MECOM: variants seen among roughly 807,000 people sequenced by gnomAD.
MECOM encodes histone-lysine N-methyltransferase MECOM.
Under a neutral mutation model 116.3 loss-of-function variants are expected in MECOM, and 13 were observed. That is an observed-to-expected ratio of 0.11 (90% CI 0.07 to 0.18). The LOEUF (loss-of-function observed/expected upper bound fraction) is 0.18. Among genes scored for constraint, MECOM ranks in the 10% least tolerant of loss-of-function variants. MECOM has a pLI of 1.00. For synonymous variants in MECOM, 528 were observed against 535.2 expected, an observed-to-expected ratio of 0.99 and a Z score of 0.19; for missense variants, 1,299 against 1,509.0, an observed-to-expected ratio of 0.86 and a Z score of 2.31.
At chr3:169,251,655 T>C (rs1369927473) in intron 2 of MECOM, among the ~76,000 whole-genome samples, 4 of 152,144 alleles carry the variant, frequency 2.6e-5, no homozygotes, top group Admixed American at 6.6e-5. Flanking sequence ...GTAGGACATA[T>C]GAATTCAGTC....
At chr3:169,404,479 A>C (rs1448444958) in intron 1 of MECOM, among the ~76,000 whole-genome samples, 1 of 152,202 alleles carries the variant, frequency 6.6e-6, no homozygotes, top group African/African-American at 2.4e-5. Context: ...CTCCAAACAA[A>C]CCCAGCCAAA....
At chr3:169,657,904 G>A (rs1274158968) in intron 1 of MECOM, among the ~76,000 whole-genome samples, 1 of 152,180 alleles carries the variant, frequency 6.6e-6, no homozygotes, top group Admixed American at 6.5e-5. Context: ...GGGCTGGGGA[G>A]GATAATACCA....
intron 1 of MECOM, among the ~76,000 whole-genome samples, chr3:169,534,210 G>A (rs944158377): frequency 6.6e-6 from 1 of 151,590 alleles, no homozygotes; most frequent in East Asian, 1.9e-4. Context: ...AAGAGGCCAC[G>A]TAGTTTGTGG....
chr3:169,496,245 T>C (rs1753796348), intron 1 of MECOM, among the ~76,000 whole-genome samples: 1 of 152,230 alleles, frequency 6.6e-6, no homozygotes, highest in Non-Finnish European at 1.5e-5. Context: ...GTTGCCTCTA[T>C]AAGCCTTAAA....
intron 2 of MECOM, among the ~76,000 whole-genome samples, chr3:169,299,395 C>T (rs929821328): frequency 6.6e-6 from 1 of 152,186 alleles, no homozygotes; most frequent in Non-Finnish European, 1.5e-5. Context: ...CTTCCTTCCT[C>T]ACCTGATTCT....
At chr3:169,085,082 GA>G in intron 16 of MECOM, 39 bp from the exon 17 acceptor site, 1 of 1,611,754 alleles carries the variant, frequency 6.2e-7, no homozygotes, top group Non-Finnish European at 8.5e-7. Context: ...AATGGCATTT[GA>G]AAAACATCAC....
intron 4 of MECOM, among the ~76,000 whole-genome samples, chr3:169,129,664 A>G (rs1402775823): frequency 6.6e-6 from 1 of 152,082 alleles, no homozygotes; most frequent in Non-Finnish European, 1.5e-5. Flanking sequence ...TCATTTGTTT[A>G]AGATCTATAT....
At chr3:169,139,454 C>T (rs1247312630) in intron 3 of MECOM, among the ~76,000 whole-genome samples, 1 of 151,940 alleles carries the variant, frequency 6.6e-6, no homozygotes, top group East Asian at 1.9e-4. Flanking sequence ...AAACATTATC[C>T]CAAAGTACTC....
intron 2 of MECOM, among the ~76,000 whole-genome samples, chr3:169,214,713 C>A (rs1030782213): frequency 6.6e-6 from 1 of 150,754 alleles, no homozygotes; most frequent in Non-Finnish European, 1.5e-5. Flanking sequence ...AGGGTGCCAA[C>A]AAACTGATTA....
At chr3:169,219,239 G>T (rs1052438670) in intron 2 of MECOM, among the ~76,000 whole-genome samples, 82 of 152,230 alleles carry the variant, frequency 5.4e-4, no homozygotes, top group African/African-American at 1.9e-3. Context: ...AGGCGCGGTG[G>T]CTCACGCCTG....
intron 1 of MECOM, among the ~76,000 whole-genome samples, chr3:169,461,962 T>C (rs1747524646): frequency 6.6e-6 from 1 of 152,204 alleles, no homozygotes; most frequent in African/African-American, 2.4e-5. Flanking sequence ...AGCTACCTTC[T>C]TTCTTCATCT....
intron 2 of MECOM, among the ~76,000 whole-genome samples, chr3:169,369,340 G>A (rs1729697437): frequency 1.2e-5 from 1 of 86,572 alleles, no homozygotes; most frequent in Non-Finnish European, 2.3e-5. Context: ...CTTGATTGCA[G>A]CCTTTTTTTT....
rs1237906532 is a variant in MECOM at position 169,441,744 on chromosome 3, T to TTTTTTTTTTTG, written c.38-60221_38-60220insCAAAAAAAAAA. On this transcript the variant is annotated intron_variant, in intron 1 of 16. Transcript: ENST00000651503. ...TCTTCTCTTCTTTTTTTTTTTTTTT[T>TTTTTTTTTTTG]AAAAAAGGGGGGGTCTTGCTCTGTC... Among the ~76,000 whole-genome samples, 11 of 142,074 alleles carry TTTTTTTTTTTG rather than the reference T, an allele frequency of 7.7e-5. 1 individual carries two copies. Among genetic ancestry groups the TTTTTTTTTTTG allele is most frequent in the Non-Finnish European group, 1.1e-4 (7 of 63,420 alleles). 93.2% of individuals were successfully genotyped at this position (142,074 alleles called of 152,430 possible).
At chr3:169,100,101 C>CTTTTTTTTTTTT (rs869032341) in intron 12 of MECOM, among the ~76,000 whole-genome samples, 29 of 50,624 alleles carry the variant, frequency 5.7e-4, no homozygotes, top group South Asian at 1.7e-3. Context: ...TTCTTTCTTT[C>CTTTTTTTTTTTT]TTTTTTTTTT....
chr3:169,251,720 C>T (rs1360384159), intron 2 of MECOM, among the ~76,000 whole-genome samples: 2 of 152,114 alleles, frequency 1.3e-5, no homozygotes, highest in Non-Finnish European at 2.9e-5. Context: ...AGACTTGGAA[C>T]TTTGGAATAT....
chr3:169,100,435 G>A (rs1723200454), intron 12 of MECOM, among the ~76,000 whole-genome samples: 2 of 151,904 alleles, frequency 1.3e-5, no homozygotes, highest in African/African-American at 4.8e-5. Flanking sequence ...TGGAATCCAT[G>A]GAAAATGACT....
intron 1 of MECOM, among the ~76,000 whole-genome samples, chr3:169,515,303 C>T (rs1756490408): frequency 6.6e-6 from 1 of 152,180 alleles, no homozygotes; most frequent in South Asian, 2.1e-4. Flanking sequence ...TCCATTGTGT[C>T]TGCCCATGTT....
chr3:169,422,735 A>C (rs1376696200), intron 1 of MECOM, among the ~76,000 whole-genome samples: 1 of 152,144 alleles, frequency 6.6e-6, no homozygotes, highest in African/African-American at 2.4e-5. Flanking sequence ...AATCATATGC[A>C]TAACGCAGTG....
chr3:169,201,262 T>C (rs1014177560), intron 2 of MECOM, among the ~76,000 whole-genome samples: 1 of 6,060 alleles, frequency 1.7e-4, no homozygotes, highest in South Asian at 2.8e-3. Flanking sequence ...ACAAGATGTG[T>C]GTGTGTGTGT....
Sources: allele counts gnomAD v4.1 joint callset (sites outside exome capture counted in the v4.1 genomes callset), GRCh38; gene constraint gnomAD v4.1.1; transcripts MANE v1.5; gene names NCBI Gene and HGNC (gene_info 2026-07-23, HGNC 2026-07-21).